The following CD300A variants were observed in gnomAD, a reference collection of about 807,000 sequenced individuals.
CD300A encodes the protein CMRF35-like molecule 8.
A neutral mutation model predicts 33.6 loss-of-function variants in CD300A; 22 were observed. That is an observed-to-expected ratio of 0.66 (90% CI 0.47 to 0.94). The LOEUF is 0.94. Ranked by LOEUF, CD300A falls within the 40% of genes least tolerant of loss-of-function variation. The pLI is 0.00. For missense variants in CD300A, 326 were observed against 360.5 expected (o/e 0.90, Z 0.77); for synonymous variants, 136 against 148.1 (o/e 0.92, Z 0.59).
At position 74,484,127 on chromosome 17, in the gene CD300A, G is replaced by C. The variant is rs770726407; in HGVS notation, c.*1G>C. On this transcript the variant is annotated 3_prime_UTR_variant, in exon 7 of 7. Coordinates refer to ENST00000360141, the MANE Select transcript of CD300A (RefSeq NM_007261.4). Reference sequence around the variant, plus strand: ...TTACAGTGTGATAAGGAAGACATAGGCTTTTGTCCTGCCTCGCCATCGGAG... The same window carrying C: ...TTACAGTGTGATAAGGAAGACATAGCCTTTTGTCCTGCCTCGCCATCGGAG... 6.2e-7 allele frequency: 1 copy of C among 1,613,478 alleles called. No homozygotes were observed. The highest frequency in any genetic ancestry group is 8.5e-7 in the Non-Finnish European group (1 of 1,179,738).
intron 4 of CD300A, among the ~76,000 whole-genome samples, chr17:74,477,790 A>G (rs1906573991): frequency 6.6e-6 from 1 of 151,676 alleles, no homozygotes; most frequent in Non-Finnish European, 1.5e-5. Context: ...TGAAGCAATG[A>G]CCCTCTTCTG....
At chr17:74,478,481 T>C (rs2144529216) in intron 4 of CD300A, among the ~76,000 whole-genome samples, 1 of 152,350 alleles carries the variant, frequency 6.6e-6, no homozygotes, top group East Asian at 1.9e-4. Flanking sequence ...GAACAGGAAC[T>C]CTTGGCACTC....
At chr17:74,479,419 A>AT (rs75076322) in intron 4 of CD300A, among the ~76,000 whole-genome samples, 74 of 147,872 alleles carry the variant, frequency 5.0e-4, no homozygotes, top group East Asian at 2.0e-3. Flanking sequence ...TAATGGTTAA[A>AT]TTTTTTTTTT....
At chr17:74,466,542 A>G, upstream of CD300A, 5 of 789,862 alleles carry the variant, frequency 6.3e-6, no homozygotes, top group Middle Eastern at 2.3e-4. Flanking sequence ...AGCTTCCTGC[A>G]TTTTCTGACC....
rs998977629 is a variant in CD300A, at chr17:74,481,785, G to A, written c.726G>A (p.Gln242=). The change falls in exon 6 of 7, where the codon CAG becomes CAA. Residue 242 remains glutamine (Q), a synonymous_variant. Coordinates refer to ENST00000360141, the MANE Select transcript of CD300A (RefSeq NM_007261.4). ...TGGAGCTGCTGATGTGGCCTCTGCA[G>A]GAAAAGCCAGCACCACCAAGGGAGG... ...ANLELLMWPL[Q]EKPAPPREVE... 5 of 1,613,066 alleles carry A rather than the reference G, an allele frequency of 3.1e-6. No homozygotes were observed. Among genetic ancestry groups the A allele is most frequent in the Non-Finnish European group, 4.2e-6 (5 of 1,179,818 alleles).
rs1214612744 is a variant in CD300A at position 74,474,555 on chromosome 17, A to G, written c.403A>G (p.Ser135Gly). 6.2e-7 allele frequency: 1 copy of G among 1,614,170 alleles called. No individual in the cohort carries two copies. Among genetic ancestry groups the G allele is most frequent in the Non-Finnish European group, 8.5e-7 (1 of 1,180,012 alleles). ...AGCATCAACGTCAATGACACCTGCA[A>G]GTATCACTGCGGCCAAGACCTCAAC... is the stretch of plus-strand genomic sequence containing the variant. ...FPASTSMTPA[S>G]ITAAKTSTIT... The change falls in exon 3 of 7, where the codon AGT becomes GGT. Residue 135 changes from serine to glycine, a missense_variant. Ser to Gly is a moderately conservative substitution (Grantham distance 56). Coordinates refer to ENST00000360141, the MANE Select transcript of CD300A (RefSeq NM_007261.4).
intron 4 of CD300A, among the ~76,000 whole-genome samples, chr17:74,478,372 T>G (rs1310639855): frequency 6.6e-6 from 1 of 152,198 alleles, no homozygotes; most frequent in African/African-American, 2.4e-5. Flanking sequence ...TTTGTCAAAT[T>G]AATGTGTTAT....
chr17:74,466,569 C>T (rs1905717978), upstream of CD300A: 1 of 1,043,298 alleles, frequency 9.6e-7, no homozygotes, highest in Non-Finnish European at 1.4e-6. Flanking sequence ...AGGAATAGAA[C>T]CAAAAGAAGC....
intron 1 of CD300A, chr17:74,470,252 G>C: frequency 1.1e-5 from 11 of 984,576 alleles, no homozygotes; most frequent in Non-Finnish European, 1.3e-5. Flanking sequence ...GGTAAGTGGG[G>C]AAGTAAATGG....
At position 74,473,650 on chromosome 17, in the gene CD300A, C is replaced by T; in HGVS notation, c.155C>T (p.Pro52Leu). 1 of 1,614,208 alleles carries T rather than the reference C, an allele frequency of 6.2e-7. No homozygotes were observed. The highest frequency in any genetic ancestry group is 8.5e-7 in the Non-Finnish European group (1 of 1,180,042). Reference protein sequence around the residue: ...HRTLNKYWCRPPQIFLCDKIV... With the variant: ...HRTLNKYWCRLPQIFLCDKIV... Reference sequence around the variant, plus strand: ...ACCCTCAACAAATACTGGTGCAGACCACCACAGATTTTCCTATGTGACAAG... The same window carrying T: ...ACCCTCAACAAATACTGGTGCAGACTACCACAGATTTTCCTATGTGACAAG... The change falls in exon 2 of 7, where the codon CCA becomes CTA. Residue 52 changes from proline to leucine, a missense_variant. Transcript: ENST00000360141.
At chr17:74,469,075 T>A (rs1338556299) in intron 1 of CD300A, among the ~76,000 whole-genome samples, 2 of 152,372 alleles carry the variant, frequency 1.3e-5, no homozygotes, top group Middle Eastern at 3.4e-3. Context: ...TCTCCCTGTT[T>A]CCGTGTTCTC....
At chr17:74,479,424 T>C (rs993331443) in intron 4 of CD300A, among the ~76,000 whole-genome samples, 2 of 152,034 alleles carry the variant, frequency 1.3e-5, no homozygotes, top group African/African-American at 4.8e-5. Flanking sequence ...GTTAAATTTT[T>C]TTTTTTAAGA....
chr17:74,470,633 G>C (rs915659337), intron 1 of CD300A, among the ~76,000 whole-genome samples: 2 of 150,816 alleles, frequency 1.3e-5, no homozygotes, highest in Non-Finnish European at 3.0e-5. Context: ...GGTGAAGGAG[G>C]GCTGGGAACT....
At position 74,473,837 on chromosome 17, in the gene CD300A, T is replaced by C; in HGVS notation, c.342T>C (p.His114=). 5 of 1,613,236 alleles carry C rather than the reference T, an allele frequency of 3.1e-6. No homozygotes were observed. In the Middle Eastern group the frequency reaches 8.3e-4, roughly 266 times the overall value. The change falls in exon 2 of 7, where the codon CAT becomes CAC. Residue 114 remains histidine (H), a synonymous_variant. Coordinates refer to ENST00000360141, the MANE Select transcript of CD300A (RefSeq NM_007261.4). Reference sequence around the variant, plus strand: ...ATACACCATGGCTCCGAGACTTTCATGATCCCGTTGTCGAGGTTGAGGTGT... The same window carrying C: ...ATACACCATGGCTCCGAGACTTTCACGATCCCGTTGTCGAGGTTGAGGTGT... The part of the protein sequence containing the change: ...GVDTPWLRDF[H]DPVVEVEVSV...
At chr17:74,482,074 G>A (rs1220981711) in intron 6 of CD300A, among the ~76,000 whole-genome samples, 9 of 152,128 alleles carry the variant, frequency 5.9e-5, no homozygotes, top group Admixed American at 2.0e-4. Context: ...CTGACAGTCC[G>A]TGAAGTCCAG....
chr17:74,471,121 A>AT (rs1190816141), intron 1 of CD300A, among the ~76,000 whole-genome samples: 1 of 151,982 alleles, frequency 6.6e-6, no homozygotes, highest in Admixed American at 6.6e-5. Flanking sequence ...TAATTTTTGT[A>AT]TTTTTTTGTA....
chr17:74,481,378 A>T, intron 5 of CD300A, 52 bp downstream of exon 5: 1 of 1,561,260 alleles, frequency 6.4e-7, no homozygotes, highest in Non-Finnish European at 8.8e-7. Context: ...GAGGGTACAG[A>T]GGCTGCTGGG....
chr17:74,477,665 G>C, intron 4 of CD300A, 135 bp downstream of exon 4: 1 of 590,486 alleles, frequency 1.7e-6, no homozygotes, highest in Non-Finnish European at 3.0e-6. Flanking sequence ...CATCCTAGGT[G>C]ATCCTACAGG....
chr17:74,468,097 C>A (rs556617523), intron 1 of CD300A, among the ~76,000 whole-genome samples: 1 of 151,520 alleles, frequency 6.6e-6, no homozygotes, highest in Non-Finnish European at 1.5e-5. Flanking sequence ...TGCAGTGGCG[C>A]GATCTTGGCT....
Sources: allele counts gnomAD v4.1 joint callset (sites outside exome capture counted in the v4.1 genomes callset), GRCh38; gene constraint gnomAD v4.1.1; transcripts MANE v1.5; gene names NCBI Gene and HGNC (gene_info 2026-07-23, HGNC 2026-07-21).